Variants in CRLF1 observed in about 807,000 individuals in gnomAD.
CRLF1 encodes the protein cytokine receptor-like factor 1.
In CRLF1, 36 loss-of-function variants were observed where a neutral mutation model predicts 48.9. That is an observed-to-expected ratio of 0.74 (90% confidence interval 0.56 to 0.97). The LOEUF (loss-of-function observed/expected upper bound fraction) is 0.97. Among genes scored for constraint, CRLF1 ranks in the 50% least tolerant of loss-of-function variants. The pLI is 0.00. For missense variants in CRLF1, 534 were observed against 575.1 expected (o/e 0.93, Z 0.73); for synonymous variants, 256 against 253.4 (o/e 1.01, Z -0.10).
At chr19:18,594,177 C>A in intron 7 of CRLF1, 70 bp from the exon 8 acceptor site, 2 of 1,600,620 alleles carry the variant, frequency 1.2e-6, no homozygotes. Context: ...CTGTCTTCCC[C>A]CTCCCCTGTT....
At chr19:18,605,839 G>A (rs934008014) in intron 1 of CRLF1, among the ~76,000 whole-genome samples, 1 of 152,146 alleles carries the variant, frequency 6.6e-6, no homozygotes, top group Admixed American at 6.5e-5. Flanking sequence ...GGGCCCGCTG[G>A]TGCCCGGACT....
rs146098226 is a variant in CRLF1, at chr19:18,599,713, C to A, written c.249G>T (p.Leu83=). ...TGAGTACACGGGAGAGCTCAGGGGG[C>A]AGGCGGCGCCCGTTGAGGGTCCAGT... is the stretch of plus-strand genomic sequence containing the variant. ...GLYWTLNGRR[L]PPELSRVLNA... Residue 83 remains leucine (L), a synonymous_variant, in exon 2 of 9, where the codon CTG becomes CTT. Coordinates refer to ENST00000392386, the MANE Select transcript of CRLF1 (RefSeq NM_004750.5). 1.9e-6 allele frequency: 3 copies of A among 1,609,164 alleles called. No homozygotes were observed. The highest frequency in any genetic ancestry group is 2.5e-6 in the Non-Finnish European group (3 of 1,178,068).
In CRLF1 at chr19:18,594,431, C is replaced by A. The variant is rs531798440; in HGVS notation, c.1028G>T (p.Arg343Leu). 2 of 1,479,314 alleles carry A rather than the reference C, an allele frequency of 1.4e-6. No individual in the cohort carries two copies. Among genetic ancestry groups the A allele is most frequent in the Admixed American group, 2.4e-5 (1 of 40,998 alleles). 91.6% of individuals were successfully genotyped at this position (1,479,314 alleles called of 1,614,324 possible). Reference sequence around the variant, plus strand: ...GCACGCCCCGCCGCCCGGGCCCGGGCGCTCTGGTGGTGGGCGGAGCGGCAG... The same window carrying A: ...GCACGCCCCGCCGCCCGGGCCCGGGAGCTCTGGTGGTGGGCGGAGCGGCAG... Reference protein sequence around the residue: ...PTAASTPRSERPGPGGGACEP... With the variant: ...PTAASTPRSELPGPGGGACEP... The change falls in exon 7 of 9, where the codon CGC (arginine) becomes CTC (leucine). Residue 343 changes from arginine to leucine, a missense_variant. Physicochemically the swap from Arg to Leu is moderately radical, Grantham distance 102. Around this residue, in one of 2 missense-constraint regions of CRLF1, gnomAD observed 528 missense variants for 555.7 expected, o/e 0.95. Transcript: ENST00000392386.
At chr19:18,595,406 C>T (rs1287926467) in intron 6 of CRLF1, among the ~76,000 whole-genome samples, 1 of 152,230 alleles carries the variant, frequency 6.6e-6, no homozygotes, top group Non-Finnish European at 1.5e-5. Flanking sequence ...CTCTACCCCT[C>T]CCTAGCTCTG....
At chr19:18,605,598 AC>A (rs1257761061) in intron 1 of CRLF1, among the ~76,000 whole-genome samples, 2 of 152,118 alleles carry the variant, frequency 1.3e-5, no homozygotes, top group Non-Finnish European at 2.9e-5. Flanking sequence ...GCGAATGTGC[AC>A]CTGGGATGCA....
chr19:18,599,514 G>C, intron 2 of CRLF1, 51 bp downstream of exon 2: 1 of 1,609,944 alleles, frequency 6.2e-7, no homozygotes, highest in Non-Finnish European at 8.5e-7. Context: ...ACTCCAGAGG[G>C]AGATGCCGCT....
chr19:18,601,137 T>C (rs1976215718), intron 1 of CRLF1, among the ~76,000 whole-genome samples: 1 of 152,184 alleles, frequency 6.6e-6, no homozygotes, highest in Non-Finnish European at 1.5e-5. Context: ...TTTGTTTTTC[T>C]TTTTTGGCAA....
chr19:18,602,770 A>G (rs1976236380), intron 1 of CRLF1, among the ~76,000 whole-genome samples: 1 of 150,446 alleles, frequency 6.6e-6, no homozygotes, highest in South Asian at 2.1e-4. Flanking sequence ...CCCCAGCCTG[A>G]CTCAGTGTTC....
In CRLF1 at chr19:18,606,443, C is replaced by T. The variant is rs1270820033; in HGVS notation, c.115+99G>A. 5.6e-5 allele frequency: 52 copies of T among 930,420 alleles called. No homozygotes were observed. The highest frequency in any genetic ancestry group is 6.6e-5 in the Non-Finnish European group (51 of 771,376). 57.6% of individuals were successfully genotyped at this position (930,420 alleles called of 1,614,324 possible). Reference sequence around the variant, plus strand: ...GGGGCGCCTTCCTTTGTTCCCCGGCCGTCCAGGTGGCGCCCGCGCCCCCTC... The same window carrying T: ...GGGGCGCCTTCCTTTGTTCCCCGGCTGTCCAGGTGGCGCCCGCGCCCCCTC... On this transcript the variant is annotated intron_variant, in intron 1 of 8. Coordinates refer to ENST00000392386, the MANE Select transcript of CRLF1 (RefSeq NM_004750.5). This position sits in a 1 kb window ranked among gnomAD's most constrained non-coding sequence, Gnocchi z 4.8.
intron 6 of CRLF1, 78 bp from the exon 7 acceptor site, chr19:18,594,512 G>T: frequency 8.8e-7 from 1 of 1,142,190 alleles, no homozygotes; most frequent in Non-Finnish European, 1.1e-6. Context: ...AGACCCCGGC[G>T]CGGCGGGACC....
Position 18,598,466 on chromosome 19 carries a change from G to A in CRLF1, c.663C>T (p.Arg221=). The A allele has an allele frequency of 6.2e-7, 1 of 1,614,114 alleles. No homozygotes were observed. Among genetic ancestry groups the A allele is most frequent in the African/African-American group, 1.3e-5 (1 of 75,048 alleles). ...VEATNRLGSA[R]SDVLTLDILD... ...GGATATCCAGCGTGAGTACATCGGA[G>A]CGGGCAGAGCCCAGGCGGTTGGTGG... The change falls in exon 4 of 9, where the codon CGC becomes CGT. Residue 221 remains arginine (R), a synonymous_variant. Transcript: ENST00000392386.
Position 18,597,431 on chromosome 19 carries a change from C to CTTTTTTTTTTTTTTTT in CRLF1, c.698-398_698-383dup, listed in dbSNP as rs765610119. 1.0e-3 allele frequency among the ~76,000 whole-genome samples: 82 copies of CTTTTTTTTTTTTTTTT among 81,614 alleles called. 20 individuals are homozygous for CTTTTTTTTTTTTTTTT. Among genetic ancestry groups the CTTTTTTTTTTTTTTTT allele is most frequent in the African/African-American group, 2.5e-3 (38 of 15,290 alleles). 53.5% of individuals were successfully genotyped at this position (81,614 alleles called of 152,430 possible). ...TCCCCACTCACACCTCCCTTCCACT[C>CTTTTTTTTTTTTTTTT]TTTTTTTTTTTTTTTTGAGACGGAG... is the stretch of plus-strand genomic sequence containing the variant. On this transcript the variant is annotated intron_variant, in intron 4 of 8. Coordinates refer to ENST00000392386, the MANE Select transcript of CRLF1 (RefSeq NM_004750.5).
chr19:18,604,273 C>T (rs896921569), intron 1 of CRLF1, among the ~76,000 whole-genome samples: 1 of 152,118 alleles, frequency 6.6e-6, no homozygotes, highest in Non-Finnish European at 1.5e-5. Context: ...CGGGGGACAC[C>T]GGGCGGCGAC....
intron 6 of CRLF1, 79 bp downstream of exon 6, chr19:18,596,538 AAAAAG>A (rs1280850734): frequency 4.2e-5 from 64 of 1,531,512 alleles, no homozygotes; most frequent in Non-Finnish European, 5.2e-5. Flanking sequence ...AAAAGAAAAA[AAAAAG>A]AAAAGAAAAC....
intron 1 of CRLF1, among the ~76,000 whole-genome samples, chr19:18,605,228 C>A (rs1976275449): frequency 6.6e-6 from 1 of 152,180 alleles, no homozygotes; most frequent in Non-Finnish European, 1.5e-5. Context: ...AGGCGCTGCC[C>A]ACCGCCTGGC....
rs199728865 is a variant in CRLF1 at position 18,598,885 on chromosome 19, G to A, written c.414C>T (p.Pro138=). The A allele has an allele frequency of 5.0e-6, 8 of 1,613,932 alleles. No individual in the cohort carries two copies. The highest frequency in any genetic ancestry group is 4.4e-5 in the South Asian group (4 of 91,074). Residue 138 remains proline, a synonymous_variant, in exon 3 of 9, where the codon CCC becomes CCT. Coordinates refer to ENST00000392386, the MANE Select transcript of CRLF1 (RefSeq NM_004750.5). ...CLYVGLPPEK[P]VNISCWSKNM... is the part of the protein sequence containing the mutation. ...TCTTGGACCAGCAGCTGATGTTGACGGGTTTCTCTGGGGGCACTGGGAGAA... is the reference window on the plus strand; with the variant it reads ...TCTTGGACCAGCAGCTGATGTTGACAGGTTTCTCTGGGGGCACTGGGAGAA...
intron 1 of CRLF1, among the ~76,000 whole-genome samples, chr19:18,602,021 G>A (rs372668901): frequency 6.6e-6 from 1 of 152,198 alleles, no homozygotes; most frequent in East Asian, 1.9e-4. Flanking sequence ...AAGTGAGAAC[G>A]AGAAAGCTCT....
rs71332131 is a variant in CRLF1, at chr19:18,606,272, A to T, written c.115+270T>A. 0.44 allele frequency among the ~76,000 whole-genome samples: 67,068 copies of T among 151,342 alleles called. 16,719 individuals carry two copies. Among genetic ancestry groups the T allele is most frequent in the African/African-American group, 0.66 (27,445 of 41,348 alleles). On this transcript the variant is annotated intron_variant, in intron 1 of 8. Coordinates refer to ENST00000392386, the MANE Select transcript of CRLF1 (RefSeq NM_004750.5). The surrounding 1 kb of genome is among the most constrained non-coding windows in gnomAD (Gnocchi z 4.8). Reference sequence around the variant, plus strand: ...GGCATGCAGAGGGTCTCAGGCCGCGATCCCCCCAGCCCCCGGGGGCCTGGC... The same window carrying T: ...GGCATGCAGAGGGTCTCAGGCCGCGTTCCCCCCAGCCCCCGGGGGCCTGGC...
Position 18,599,696 on chromosome 19 carries a change from C to G in CRLF1, c.266G>C (p.Arg89Pro), listed in dbSNP as rs143326783. Residue 89 changes from arginine to proline, a missense_variant, in exon 2 of 9, where the codon CGT (arginine) becomes CCT (proline). This residue lies in a region of CRLF1 where 528 missense variants were observed against 555.7 expected (regional missense o/e 0.95). Coordinates refer to ENST00000392386, the MANE Select transcript of CRLF1 (RefSeq NM_004750.5). ...NGRRLPPELSRVLNASTLALA... is the reference protein window; with the variant it reads ...NGRRLPPELSPVLNASTLALA... ...AGCCAAGGTGGAGGCGTTGAGTACA[C>G]GGGAGAGCTCAGGGGGCAGGCGGCG... 6.2e-7 allele frequency: 1 copy of G among 1,611,852 alleles called. No individual in the cohort carries two copies. The highest frequency in any genetic ancestry group is 8.5e-7 in the Non-Finnish European group (1 of 1,179,192).
Sources: gnomAD v4.1 joint callset for allele counts (sites outside exome capture counted in the v4.1 genomes callset) on GRCh38, gnomAD v4.1.1 for gene constraint, gnomAD v4.1.1 regional missense constraint, Gnocchi (gnomAD v3.1) non-coding constraint, MANE v1.5 for transcripts, NCBI Gene and HGNC (gene_info 2026-07-23, HGNC 2026-07-21) for gene names.